The following NTN1 variants were observed in gnomAD, a reference collection of about 807,000 sequenced individuals.
NTN1 encodes the protein netrin-1.
In NTN1, 11 loss-of-function variants were observed where a neutral mutation model predicts 54.2. The observed-to-expected ratio is 0.20, with a 90% CI of 0.13 to 0.34. The LOEUF (loss-of-function observed/expected upper bound fraction) is 0.34. NTN1 is among the 10% of genes least tolerant of loss of function. The probability of loss-of-function intolerance (pLI) is 1.00; values close to 1 mark genes in which losing one functional copy is unlikely to be tolerated. For synonymous variants in NTN1, 371 were observed against 382.0 expected (o/e 0.97, Z 0.33); for missense variants, 740 against 893.1 (o/e 0.83, Z 2.18).
chr17:9,148,742 G>C (rs1389706944), intron 2 of NTN1, among the ~76,000 whole-genome samples: 1 of 151,906 alleles, frequency 6.6e-6, no homozygotes, highest in Non-Finnish European at 1.5e-5. Context: ...TTGGGACCCT[G>C]GTTTCACCCT....
At chr17:9,217,537 TAGAG>T (rs1342792815) in intron 5 of NTN1, among the ~76,000 whole-genome samples, 4 of 152,250 alleles carry the variant, frequency 2.6e-5, no homozygotes, top group South Asian at 2.1e-4. Context: ...GTGTGTACCA[TAGAG>T]AGAGAACATA....
intron 2 of NTN1, among the ~76,000 whole-genome samples, chr17:9,156,690 T>C (rs1406576130): frequency 4.3e-4 from 66 of 152,308 alleles, no homozygotes; most frequent in Non-Finnish European, 8.8e-5. Context: ...GGGACTTAGA[T>C]GTGGGTTTTT....
intron 5 of NTN1, among the ~76,000 whole-genome samples, chr17:9,204,242 CTGTT>C (rs1288829633): frequency 1.5e-5 from 2 of 132,792 alleles, no homozygotes; most frequent in Non-Finnish European, 3.1e-5. Context: ...TTCTCTTCCT[CTGTT>C]TCTCTCTCTC....
chr17:9,238,128 T>G (rs1906054863), intron 6 of NTN1, among the ~76,000 whole-genome samples: 1 of 151,852 alleles, frequency 6.6e-6, no homozygotes, highest in South Asian at 2.1e-4. Flanking sequence ...AGGAGCAGAG[T>G]GGCCCCCAGA....
intron 2 of NTN1, among the ~76,000 whole-genome samples, chr17:9,058,739 T>C (rs2091987271): frequency 6.6e-6 from 1 of 151,974 alleles, no homozygotes; most frequent in Non-Finnish European, 1.5e-5. Flanking sequence ...CTAGATATTT[T>C]CCATCATGAA....
chr17:9,021,873 A>G (rs1181081890), intron 1 of NTN1, among the ~76,000 whole-genome samples: 4 of 152,078 alleles, frequency 2.6e-5, no homozygotes, highest in African/African-American at 7.2e-5. Context: ...CTCCAGAGGT[A>G]AAGTCCCGAA....
chr17:9,236,625 C>G (rs1213357484), intron 6 of NTN1, among the ~76,000 whole-genome samples: 2 of 152,174 alleles, frequency 1.3e-5, no homozygotes, highest in Non-Finnish European at 2.9e-5. Flanking sequence ...AGCTCCCACC[C>G]CTGGAGTTGC....
intron 5 of NTN1, among the ~76,000 whole-genome samples, chr17:9,202,311 G>A (rs1671546577): frequency 6.6e-6 from 1 of 152,124 alleles, no homozygotes; most frequent in African/African-American, 2.4e-5. Flanking sequence ...GAGATGGGCA[G>A]AGCAGGGATG....
chr17:9,150,548 A>C (rs895919550), intron 2 of NTN1, among the ~76,000 whole-genome samples: 1 of 152,242 alleles, frequency 6.6e-6, no homozygotes, highest in African/African-American at 2.4e-5. Context: ...GGAACGCAGC[A>C]GACAAAGAAC....
chr17:9,177,665 G>C (rs1332425735), intron 3 of NTN1: 1 of 152,208 alleles, frequency 6.6e-6, no homozygotes, highest in Non-Finnish European at 1.5e-5. Context: ...CTTTGCATTC[G>C]CACGGCCGAC....
chr17:9,013,160 C>T, the NTN1 span, among the ~76,000 whole-genome samples: 2 of 151,878 alleles, frequency 1.3e-5, no homozygotes, highest in Middle Eastern at 6.8e-3. Context: ...AATCTTCCTA[C>T]CACAATGCCA....
chr17:9,088,549 G>A (rs2092097270), intron 2 of NTN1, among the ~76,000 whole-genome samples: 1 of 152,148 alleles, frequency 6.6e-6, no homozygotes, highest in Non-Finnish European at 1.5e-5. Flanking sequence ...GCCACAGACG[G>A]ATGGGTGGAT....
At chr17:9,098,398 C>A (rs1015994685) in intron 2 of NTN1, among the ~76,000 whole-genome samples, 1 of 152,208 alleles carries the variant, frequency 6.6e-6, no homozygotes, top group Non-Finnish European at 1.5e-5. Context: ...GGACTGCAGA[C>A]CCTGGGAGCT....
At chr17:9,227,936 C>A (rs1323389186) in intron 6 of NTN1, among the ~76,000 whole-genome samples, 1 of 152,112 alleles carries the variant, frequency 6.6e-6, no homozygotes, top group Non-Finnish European at 1.5e-5. Context: ...CATGCACACA[C>A]CATTACACAC....
At chr17:9,090,166 T>C (rs1034777470) in intron 2 of NTN1, among the ~76,000 whole-genome samples, 1 of 146,216 alleles carries the variant, frequency 6.8e-6, no homozygotes, top group Middle Eastern at 3.5e-3. Flanking sequence ...CAAACTCATC[T>C]TTTTTTTTTT....
intron 2 of NTN1, among the ~76,000 whole-genome samples, chr17:9,063,253 T>A (rs2092004618): frequency 1.3e-5 from 2 of 151,578 alleles, no homozygotes; most frequent in African/African-American, 4.8e-5. Context: ...CTGGCCACCA[T>A]GCTCAGCTAA....
At chr17:9,042,924 G>A (rs1158476991) in intron 2 of NTN1, among the ~76,000 whole-genome samples, 3 of 152,170 alleles carry the variant, frequency 2.0e-5, no homozygotes, top group South Asian at 2.1e-4. Context: ...TAAGTAACAT[G>A]AGAAATAGCT....
chr17:9,031,258 T>C (rs551897200), intron 2 of NTN1, among the ~76,000 whole-genome samples: 1 of 152,284 alleles, frequency 6.6e-6, no homozygotes, highest in South Asian at 2.1e-4. Flanking sequence ...CTGCATTCCA[T>C]ATTTGAAGTC....
chr17:9,125,248 C>T (rs529663181), intron 2 of NTN1, among the ~76,000 whole-genome samples: 45 of 147,540 alleles, frequency 3.1e-4, no homozygotes, highest in Admixed American at 4.1e-4. Context: ...TTTTTTGAGA[C>T]GTAGTTTCAC....
Sources: gnomAD v4.1 joint callset for allele counts (sites outside exome capture counted in the v4.1 genomes callset) on GRCh38, gnomAD v4.1.1 for gene constraint, MANE v1.5 for transcripts, NCBI Gene and HGNC (gene_info 2026-07-23, HGNC 2026-07-21) for gene names.